Variants in GLUL observed in about 807,000 individuals in gnomAD.
GLUL encodes glutamate-ammonia ligase.
Under a neutral mutation model 36.9 loss-of-function variants are expected in GLUL, and 8 were observed. The observed-to-expected ratio is 0.22, with a 90% CI of 0.13 to 0.39. The LOEUF (loss-of-function observed/expected upper bound fraction) is 0.39. Among genes scored for constraint, GLUL ranks in the 10% least tolerant of loss-of-function variants. The pLI is 1.00. For missense variants in GLUL, 315 were observed against 501.8 expected (o/e 0.63, Z 3.56); for synonymous variants, 182 against 172.8 (o/e 1.05, Z -0.42).
At position 182,387,309 on chromosome 1, in the gene GLUL, G is replaced by C; in HGVS notation, c.167-17C>G. On this transcript the variant is annotated splice_polypyrimidine_tract_variant and intron_variant, in intron 2 of 6. Coordinates refer to ENST00000331872, the MANE Select transcript of GLUL (RefSeq NM_001033044.4). The stretch of plus-strand genomic sequence containing the variant: ...CAGGCAACTCTGGGGCAAAAAGAGG[G>C]AAAATTACATTTAAAACATACAGGA... 1 of 1,601,234 alleles carries C rather than the reference G, an allele frequency of 6.2e-7. No homozygotes were observed. Among genetic ancestry groups the C allele is most frequent in the Non-Finnish European group, 8.6e-7 (1 of 1,168,322 alleles).
At position 182,385,392 on chromosome 1, in the gene GLUL, G is replaced by C. The variant is rs6684136; in HGVS notation, c.768C>G (p.Phe256Leu). 1 of 1,613,720 alleles carries C rather than the reference G, an allele frequency of 6.2e-7. No homozygotes were observed. The highest frequency in any genetic ancestry group is 1.3e-5 in the African/African-American group (1 of 74,900). The stretch of plus-strand genomic sequence containing the variant: ...TCTCCTCCCGCATGGCCTTGGTGCT[G>C]AAGTTGGTATGGCAGCCTGCACCAT... Reference protein sequence around the residue: ...NWNGAGCHTNFSTKAMREENG... With the variant: ...NWNGAGCHTNLSTKAMREENG... The change falls in exon 6 of 7, where the codon TTC becomes TTG. Residue 256 changes from phenylalanine to leucine, a missense_variant. Around this residue, in one of 3 missense-constraint regions of GLUL, gnomAD observed 256 missense variants for 396.1 expected, o/e 0.65. Coordinates refer to ENST00000331872, the MANE Select transcript of GLUL (RefSeq NM_001033044.4).
intron 2 of GLUL, among the ~76,000 whole-genome samples, chr1:182,388,087 A>C (rs1650258148): frequency 6.6e-6 from 1 of 152,258 alleles, no homozygotes; most frequent in Non-Finnish European, 1.5e-5. Context: ...CAATTAGTTT[A>C]AGAATTTCCA....
chr1:182,386,308 C>T lies in GLUL; in HGVS notation c.423G>A (p.Gly141=), dbSNP rs1369715290. 3 of 1,613,538 alleles carry T rather than the reference C, an allele frequency of 1.9e-6. No individual in the cohort carries two copies. The highest frequency in any genetic ancestry group is 2.2e-5 in the East Asian group (1 of 44,882). ...FGMEQEYTLM[G]TDGHPFGWPS... is the part of the protein sequence containing the mutation. ...GCCAACCAAAGGGGTGCCCATCTGT[C>T]CCCATGAGGGTATACTCCTGCTCCA... The change falls in exon 4 of 7, where the codon GGG becomes GGA. Residue 141 remains glycine (G), a synonymous_variant. Coordinates refer to ENST00000331872, the MANE Select transcript of GLUL (RefSeq NM_001033044.4).
At position 182,379,500 on chromosome 1, in the gene GLUL, G is replaced by C. The variant is rs1649849727; in HGVS notation, c.*4905C>G. Reference sequence around the variant, plus strand: ...GGCCTCCCAAAGTGCTAGGATTACAGGCTTGAGCCACCACACCCAGCCTAA... The same window carrying C: ...GGCCTCCCAAAGTGCTAGGATTACACGCTTGAGCCACCACACCCAGCCTAA... On this transcript the variant is annotated 3_prime_UTR_variant, in exon 7 of 7. Coordinates refer to ENST00000331872, the MANE Select transcript of GLUL (RefSeq NM_001033044.4). 6.6e-6 allele frequency among the ~76,000 whole-genome samples: 1 copy of C among 152,066 alleles called. No individual in the cohort carries two copies. Among genetic ancestry groups the C allele is most frequent in the Non-Finnish European group, 1.5e-5 (1 of 68,008 alleles).
At position 182,384,453 on chromosome 1, in the gene GLUL, C is replaced by A. The variant is rs145595304; in HGVS notation, c.1074G>T (p.Thr358=). ...CATCGCCGGTTTCATTGAGAAGACA[C>A]GTGCGGATGAGGGCTTCTGTCACCG... ...PFSVTEALIR[T]CLLNETGDEP... is the part of the protein sequence containing the mutation. Residue 358 remains threonine, a synonymous_variant, in exon 7 of 7, where the codon ACG becomes ACT. Transcript: ENST00000331872. 5.6e-6 allele frequency: 9 copies of A among 1,613,634 alleles called. No homozygotes were observed. In the East Asian group the frequency reaches 1.8e-4, roughly 32 times the overall value.
chr1:182,386,812 G>A (rs961212161), intron 3 of GLUL: 2 of 471,094 alleles, frequency 4.2e-6, no homozygotes, highest in Admixed American at 6.8e-5. Context: ...TATAATTTTT[G>A]AGAAACATTT....
At chr1:182,385,317 C>A in intron 6 of GLUL, 40 bp downstream of exon 6, 1 of 1,466,990 alleles carries the variant, frequency 6.8e-7, no homozygotes, top group Non-Finnish European at 9.6e-7. Flanking sequence ...AAGTTTTCTG[C>A]CACAGGAGAT....
In GLUL at chr1:182,386,389, C is replaced by T. The variant is rs762502357; in HGVS notation, c.342G>A (p.Arg114=). ...YNRRPAETNL[R]HTCKRIMDMV... The stretch of plus-strand genomic sequence containing the variant: ...TGTCCATTATCCGTTTACAGGTGTG[C>T]CTCAAATTGGTCTCTAGAAAAAAGA... Residue 114 remains arginine (R), a synonymous_variant, in exon 4 of 7, where the codon AGG becomes AGA. Coordinates refer to ENST00000331872, the MANE Select transcript of GLUL (RefSeq NM_001033044.4). 1.9e-6 allele frequency: 3 copies of T among 1,611,636 alleles called. No homozygotes were observed. The highest frequency in any genetic ancestry group is 1.7e-5 in the Admixed American group (1 of 60,010).
chr1:182,391,496 C>G (rs1650415332), intron 1 of GLUL, 183 bp downstream of exon 1: 1 of 361,980 alleles, frequency 2.8e-6, no homozygotes, highest in Non-Finnish European at 4.9e-6. Flanking sequence ...TCCAAGCCAC[C>G]AGCGGCGGAA....
rs559029862 is a variant in GLUL at position 182,389,105 on chromosome 1, T to C, written c.-13-355A>G. 6 of 345,678 alleles carry C rather than the reference T, an allele frequency of 1.7e-5. No individual in the cohort carries two copies. In the East Asian group the frequency reaches 3.0e-4, roughly 17 times the overall value. 21.4% of individuals were successfully genotyped at this position (345,678 alleles called of 1,614,324 possible). On this transcript the variant is annotated intron_variant, in intron 1 of 6. Transcript: ENST00000331872. ...TACTGCAGAACCCAGGCTTCCAAGC[T>C]AGAACTTATACTTGTGAGGACTAAG...
Position 182,384,645 on chromosome 1 carries a change from C to T in GLUL, c.882G>A (p.Leu294=). 1 of 1,614,146 alleles carries T rather than the reference C, an allele frequency of 6.2e-7. No individual in the cohort carries two copies. The highest frequency in any genetic ancestry group is 8.5e-7 in the Non-Finnish European group (1 of 1,179,998). The part of the protein sequence containing the change: ...HIRAYDPKGG[L]DNARRLTGFH... ...ATCCAGTTAGACGTCGGGCATTGTC[C>T]AGGCCTCCCTTGGGATCATAGGCAC... is the stretch of plus-strand genomic sequence containing the variant. The change falls in exon 7 of 7, where the codon CTG becomes CTA. Residue 294 remains leucine, a synonymous_variant. Coordinates refer to ENST00000331872, the MANE Select transcript of GLUL (RefSeq NM_001033044.4).
intron 5 of GLUL, 70 bp from the exon 6 acceptor site, chr1:182,385,626 G>A (rs887862921): frequency 2.0e-5 from 31 of 1,554,592 alleles, no homozygotes; most frequent in Non-Finnish European, 2.5e-5. Context: ...TCCTAAACCT[G>A]TTCTCTTCTC....
At chr1:182,390,134 A>C (rs2101938230) in intron 1 of GLUL, 1 of 163,296 alleles carries the variant, frequency 6.1e-6, no homozygotes, top group African/African-American at 2.4e-5. Context: ...GACACAGGAG[A>C]ATCGCCTGAA....
In GLUL at chr1:182,386,873, T is replaced by G. The variant is rs1650204786; in HGVS notation, c.328+258A>C. The G allele has an allele frequency of 2.0e-5, 11 of 554,476 alleles. No individual in the cohort carries two copies. The South Asian group carries it at 2.0e-4, about 10-fold the overall frequency. The allele number at this position is 554,476 out of a possible 1,614,324, so 34.3% of individuals were successfully genotyped here. A position where few individuals can be genotyped will look rare whatever the true frequency, so the allele number is the denominator to read the frequency against. Reference sequence around the variant, plus strand: ...CCTACATTCCAGGCAGGAAGGCTGTTACTGGGGACTCCAAGACCGGCAAAC... The same window carrying G: ...CCTACATTCCAGGCAGGAAGGCTGTGACTGGGGACTCCAAGACCGGCAAAC... On this transcript the variant is annotated intron_variant, in intron 3 of 6. Coordinates refer to ENST00000331872, the MANE Select transcript of GLUL (RefSeq NM_001033044.4).
In GLUL at chr1:182,383,312, A is replaced by G. The variant is rs1262689177; in HGVS notation, c.*1093T>C. 6.6e-6 allele frequency: 1 copy of G among 152,240 alleles called. No homozygotes were observed. The highest frequency in any genetic ancestry group is 2.4e-5 in the African/African-American group (1 of 41,454). The allele number at this position is 152,240 out of a possible 1,614,324, so 9.4% of individuals were successfully genotyped here. On this transcript the variant is annotated 3_prime_UTR_variant, in exon 7 of 7. Transcript: ENST00000331872. ...TATAATTTTGCTTTTTAAAAAATTT[A>G]ATATCAAAAGGCCTGCTTTAGTGAC... is the stretch of plus-strand genomic sequence containing the variant.
intron 1 of GLUL, chr1:182,389,485 T>G (rs968368199): frequency 1.3e-5 from 2 of 152,530 alleles, no homozygotes; most frequent in Admixed American, 6.5e-5. Context: ...ATAATTTCCA[T>G]AGGTCTCATG....
At position 182,382,251 on chromosome 1, in the gene GLUL, A is replaced by G. The variant is rs991230176; in HGVS notation, c.*2154T>C. 6.6e-6 allele frequency: 1 copy of G among 152,192 alleles called. No homozygotes were observed. 9.4% of individuals were successfully genotyped at this position (152,192 alleles called of 1,614,324 possible). ...GGGAGCCGGAGGGAGCTTTTACCCA[A>G]CCTCATGAGGAATGAACGAAGGTAG... On this transcript the variant is annotated 3_prime_UTR_variant, in exon 7 of 7. Coordinates refer to ENST00000331872, the MANE Select transcript of GLUL (RefSeq NM_001033044.4).
Position 182,384,493 on chromosome 1 carries a change from T to C in GLUL, c.1034A>G (p.Asn345Ser). Residue 345 changes from asparagine (N) to serine (S), a missense_variant, in exon 7 of 7, where the codon AAC (asparagine) becomes AGC (serine). Transcript: ENST00000331872. ...TTCTGTCACCGAAAAGGGGTCGCAG[T>C]TGGCAGAGGGGCGACGATCTTCAAA... ...GYFEDRRPSA[N>S]CDPFSVTEAL... The C allele has an allele frequency of 6.2e-7, 1 of 1,613,866 alleles. No homozygotes were observed. The highest frequency in any genetic ancestry group is 8.5e-7 in the Non-Finnish European group (1 of 1,179,832).
At chr1:182,386,526 A>C (rs1184876788) in intron 3 of GLUL, 124 bp from the exon 4 acceptor site, 8 of 823,408 alleles carry the variant, frequency 9.7e-6, no homozygotes, top group Non-Finnish European at 1.7e-5. Context: ...GTATGAACTG[A>C]CCCAGTATAG....
Sources: gnomAD v4.1 joint callset for allele counts (sites outside exome capture counted in the v4.1 genomes callset) on GRCh38, gnomAD v4.1.1 for gene constraint, gnomAD v4.1.1 regional missense constraint, MANE v1.5 for transcripts, NCBI Gene and HGNC (gene_info 2026-07-23, HGNC 2026-07-21) for gene names.